The following CNTFR variants were observed in gnomAD, a reference collection of about 807,000 sequenced individuals.
CNTFR encodes the protein ciliary neurotrophic factor receptor subunit alpha.
CNTFR carries 12 observed loss-of-function variants against 40.4 expected under a neutral mutation model. The observed-to-expected ratio is 0.30, with a 90% CI of 0.19 to 0.48. The LOEUF (loss-of-function observed/expected upper bound fraction) is 0.48, where lower values mean the gene tolerates loss of function less well. Among genes scored for constraint, CNTFR ranks in the 20% least tolerant of loss-of-function variants. The probability of loss-of-function intolerance (pLI) is 0.99; values close to 1 mark genes in which losing one functional copy is unlikely to be tolerated. For synonymous variants in CNTFR, 202 were observed against 209.6 expected, an observed-to-expected ratio of 0.96 and a Z score of 0.31; for missense variants, 414 against 506.8, an observed-to-expected ratio of 0.82 and a Z score of 1.76.
rs756351913 is a variant in CNTFR, at chr9:34,556,239, C to G, written c.768+16G>C. 1 of 1,607,602 alleles carries G rather than the reference C, an allele frequency of 6.2e-7. No individual in the cohort carries two copies. The highest frequency in any genetic ancestry group is 8.5e-7 in the Non-Finnish European group (1 of 1,177,052). Reference sequence around the variant, plus strand: ...TAACTCAGGCACCCAGGATCTTGGCCGGGCAGGGCACTCACATGCTGCCAC... The same window carrying G: ...TAACTCAGGCACCCAGGATCTTGGCGGGGCAGGGCACTCACATGCTGCCAC... On this transcript the variant is annotated intron_variant, in intron 7 of 9. Coordinates refer to ENST00000378980, the MANE Select transcript of CNTFR (RefSeq NM_147164.3).
At position 34,552,597 on chromosome 9, in the gene CNTFR, G is replaced by T. The variant is rs1587114409; in HGVS notation, c.949+77C>A. The T allele has an allele frequency of 2.0e-6, 3 of 1,469,552 alleles. No homozygotes were observed. Among genetic ancestry groups the T allele is most frequent in the Admixed American group, 2.0e-5 (1 of 48,912 alleles). The allele number at this position is 1,469,552 out of a possible 1,614,324, so 91.0% of individuals were successfully genotyped here. A position where few individuals can be genotyped will look rare whatever the true frequency, so the allele number is the denominator to read the frequency against. On this transcript the variant is annotated intron_variant, in intron 8 of 9. Transcript: ENST00000378980. The surrounding 1 kb of genome is among the most constrained non-coding windows in gnomAD (Gnocchi z 5.1). ...CGGGAGCAGAGGCTGGAGGCAGCAGGGTAGAACCAGGCCACAGGTTCTACC... is the reference window on the plus strand; with the variant it reads ...CGGGAGCAGAGGCTGGAGGCAGCAGTGTAGAACCAGGCCACAGGTTCTACC...
chr9:34,566,608 C>A (rs1245682604), intron 3 of CNTFR, among the ~76,000 whole-genome samples: 1 of 152,134 alleles, frequency 6.6e-6, no homozygotes, highest in East Asian at 1.9e-4. Flanking sequence ...TCTCTCTGCA[C>A]CCCCTAGCAG....
chr9:34,560,117 A>G lies in CNTFR; in HGVS notation c.320-2133T>C, dbSNP rs539862260. On this transcript the variant is annotated intron_variant, in intron 4 of 9. Transcript: ENST00000378980. Reference sequence around the variant, plus strand: ...TTTCTCAGAGGGAAAAGGAGGAAAGAAAAACAAAAGGAAGAAAAGGAGTGA... The same window carrying G: ...TTTCTCAGAGGGAAAAGGAGGAAAGGAAAACAAAAGGAAGAAAAGGAGTGA... Among the ~76,000 whole-genome samples, 4 of 152,358 alleles carry G rather than the reference A, an allele frequency of 2.6e-5. No individual in the cohort carries two copies. The East Asian group carries it at 7.7e-4, about 29-fold the overall frequency.
At chr9:34,585,048 A>C (rs1280106646) in intron 1 of CNTFR, among the ~76,000 whole-genome samples, 1 of 152,182 alleles carries the variant, frequency 6.6e-6, no homozygotes, top group East Asian at 1.9e-4. Flanking sequence ...ACATTTATTG[A>C]GCACCTATTC....
chr9:34,574,037 C>T (rs1283191412), intron 2 of CNTFR, among the ~76,000 whole-genome samples: 3 of 151,896 alleles, frequency 2.0e-5, no homozygotes, highest in African/African-American at 7.3e-5. Flanking sequence ...GGAGGAGGGG[C>T]TGAGGCTGGG....
intron 2 of CNTFR, among the ~76,000 whole-genome samples, chr9:34,575,429 C>T (rs1826903398): frequency 6.6e-6 from 1 of 152,122 alleles, no homozygotes; most frequent in East Asian, 1.9e-4. Context: ...CTTCCCTTAG[C>T]AGGGGGGTGG....
intron 1 of CNTFR, among the ~76,000 whole-genome samples, chr9:34,581,601 T>G (rs1270718418): frequency 2.0e-5 from 3 of 152,232 alleles, no homozygotes; most frequent in African/African-American, 7.2e-5. Context: ...ACCCCCTTCC[T>G]TATCACCACT....
intron 3 of CNTFR, among the ~76,000 whole-genome samples, chr9:34,566,260 G>A (rs1366921856): frequency 6.6e-6 from 1 of 152,026 alleles, no homozygotes; most frequent in Non-Finnish European, 1.5e-5. Context: ...TGTGACTCCG[G>A]GTCTCTCTCC....
chr9:34,557,654 G>C lies in CNTFR; in HGVS notation c.476C>G (p.Ala159Gly). Reference sequence around the variant, plus strand: ...GCGAATGTGGCAGCGGTTCTTGAGGGCTGGGTCCTTCTCACAGACCATAAT... The same window carrying C: ...GCGAATGTGGCAGCGGTTCTTGAGGCCTGGGTCCTTCTCACAGACCATAAT... Reference protein sequence around the residue: ...SKIMVCEKDPALKNRCHIRYM... With the variant: ...SKIMVCEKDPGLKNRCHIRYM... Residue 159 changes from alanine (A) to glycine (G), a missense_variant, in exon 6 of 10, where the codon GCC (alanine) becomes GGC (glycine). Physicochemically the swap from Ala to Gly is moderately conservative, Grantham distance 60. Transcript: ENST00000378980. This position sits in a 1 kb window ranked among gnomAD's most constrained non-coding sequence, Gnocchi z 4.2. 6.2e-7 allele frequency: 1 copy of C among 1,614,214 alleles called. No homozygotes were observed. The highest frequency in any genetic ancestry group is 1.3e-5 in the African/African-American group (1 of 75,056).
intron 7 of CNTFR, among the ~76,000 whole-genome samples, chr9:34,555,104 G>A (rs541353283): frequency 5.3e-5 from 8 of 152,254 alleles, no homozygotes; most frequent in Admixed American, 3.9e-4. Flanking sequence ...AGGCGTGTGC[G>A]CCGCGACGCG....
intron 4 of CNTFR, among the ~76,000 whole-genome samples, chr9:34,562,648 G>A (rs1826118574): frequency 6.6e-6 from 1 of 152,228 alleles, no homozygotes; most frequent in Non-Finnish European, 1.5e-5. Flanking sequence ...ACGGAATAAG[G>A]AGACGACTTT....
chr9:34,581,893 T>C (rs1028751902), intron 1 of CNTFR, among the ~76,000 whole-genome samples: 9 of 152,182 alleles, frequency 5.9e-5, no homozygotes, highest in Non-Finnish European at 1.3e-4. Flanking sequence ...CCAAGAATAA[T>C]AACAGCAGGT....
At chr9:34,555,136 G>A (rs191764008) in intron 7 of CNTFR, among the ~76,000 whole-genome samples, 5 of 152,384 alleles carry the variant, frequency 3.3e-5, no homozygotes, top group Admixed American at 2.0e-4. Context: ...CCTGTAGCTC[G>A]TTAGCGGGGG....
At chr9:34,574,385 C>A (rs1213320312) in intron 2 of CNTFR, among the ~76,000 whole-genome samples, 1 of 152,222 alleles carries the variant, frequency 6.6e-6, no homozygotes. Flanking sequence ...CTCTCAGTGA[C>A]CCCACCTCAA....
Position 34,564,701 on chromosome 9 carries a change from G to A in CNTFR, c.217C>T (p.Gln73Ter), listed in dbSNP as rs755435583. The A allele has an allele frequency of 6.2e-7, 1 of 1,614,048 alleles. No homozygotes were observed. Among genetic ancestry groups the A allele is most frequent in the Non-Finnish European group, 8.5e-7 (1 of 1,180,022 alleles). ...AGTTCCAGGCCATGGAGCACCAGCTGAGAGCCGTTGAGCAGGTCAGGGGCC... is the reference window on the plus strand; with the variant it reads ...AGTTCCAGGCCATGGAGCACCAGCTAAGAGCCGTTGAGCAGGTCAGGGGCC... ...DLAPDLLNGS[Q>*]LVLHGLELGH... The change falls in exon 4 of 10, where the codon CAG becomes TAG. Residue 73 changes from glutamine to a stop codon, truncating the protein, a stop_gained. Coordinates refer to ENST00000378980, the MANE Select transcript of CNTFR (RefSeq NM_147164.3). LOFTEE classifies it high-confidence loss of function.
At chr9:34,578,202 G>A (rs922908472) in intron 2 of CNTFR, among the ~76,000 whole-genome samples, 1 of 152,102 alleles carries the variant, frequency 6.6e-6, no homozygotes, top group Non-Finnish European at 1.5e-5. Flanking sequence ...AGCGACGAGG[G>A]CCGAGCCCCG....
chr9:34,572,543 C>T (rs1372035646), intron 2 of CNTFR, among the ~76,000 whole-genome samples: 2 of 152,174 alleles, frequency 1.3e-5, no homozygotes. Flanking sequence ...CGCCCAAAAG[C>T]CCCTGAGCCC....
chr9:34,557,254 C>T lies in CNTFR; in HGVS notation c.604+272G>A, dbSNP rs1471121767. Among the ~76,000 whole-genome samples, 1 of 152,168 alleles carries T rather than the reference C, an allele frequency of 6.6e-6. No homozygotes were observed. The highest frequency in any genetic ancestry group is 2.4e-5 in the African/African-American group (1 of 41,446). On this transcript the variant is annotated intron_variant, in intron 6 of 9. Coordinates refer to ENST00000378980, the MANE Select transcript of CNTFR (RefSeq NM_147164.3). This position sits in a 1 kb window ranked among gnomAD's most constrained non-coding sequence, Gnocchi z 4.2. ...GTCTGGCCCAGCCTGCCCCCCCTTC[C>T]CCCTGCTGCATGTTCTGGGAGCCAG...
chr9:34,568,096 G>T (rs1044290756), intron 3 of CNTFR: 4 of 152,220 alleles, frequency 2.6e-5, no homozygotes, highest in African/African-American at 9.7e-5. Context: ...CACCCAACCC[G>T]ACTGACACGG....
Sources: gnomAD v4.1 joint callset for allele counts (sites outside exome capture counted in the v4.1 genomes callset) on GRCh38, gnomAD v4.1.1 for gene constraint, Gnocchi (gnomAD v3.1) non-coding constraint, MANE v1.5 for transcripts, NCBI Gene and HGNC (gene_info 2026-07-23, HGNC 2026-07-21) for gene names.